FGF14: variants seen among roughly 807,000 people sequenced by gnomAD.
FGF14 encodes the protein fibroblast growth factor 14.
In FGF14, 5 loss-of-function variants were observed where a neutral mutation model predicts 25.5. That is an observed-to-expected ratio of 0.20 (90% CI 0.10 to 0.41). The LOEUF (loss-of-function observed/expected upper bound fraction) is 0.41, where lower values mean the gene tolerates loss of function less well. Among genes scored for constraint, FGF14 ranks in the 10% least tolerant of loss-of-function variants. The pLI is 1.00. For synonymous variants in FGF14, 138 were observed against 118.3 expected (o/e 1.17, Z -1.08); for missense variants, 222 against 320.1 (o/e 0.69, Z 2.34).
chr13:102,118,222 G>A (rs966569307), intron 1 of FGF14, among the ~76,000 whole-genome samples: 4 of 151,734 alleles, frequency 2.6e-5, no homozygotes, highest in South Asian at 4.2e-4. Flanking sequence ...TATTGTATAC[G>A]ATAAATAATT....
intron 1 of FGF14, among the ~76,000 whole-genome samples, chr13:101,989,421 T>G (rs1479087845): frequency 6.6e-6 from 1 of 152,112 alleles, no homozygotes; most frequent in Non-Finnish European, 1.5e-5. Flanking sequence ...TAAAGAAGAA[T>G]AATGTACATT....
At chr13:102,205,650 C>A (rs2049872378) in intron 1 of FGF14, among the ~76,000 whole-genome samples, 1 of 150,694 alleles carries the variant, frequency 6.6e-6, no homozygotes, top group African/African-American at 2.4e-5. Context: ...ATGGGAGATG[C>A]TAGACTGGAG....
chr13:101,958,946 T>C (rs938344157), intron 1 of FGF14, among the ~76,000 whole-genome samples: 2 of 152,240 alleles, frequency 1.3e-5, no homozygotes, highest in Admixed American at 1.3e-4. Flanking sequence ...ATAAGACTTA[T>C]TGAGATACAC....
chr13:102,299,423 C>T (rs2054907858), intron 1 of FGF14, among the ~76,000 whole-genome samples: 1 of 152,124 alleles, frequency 6.6e-6, no homozygotes, highest in Admixed American at 6.5e-5. Flanking sequence ...GCCATGTGCA[C>T]ATTTAAAGGT....
chr13:102,037,798 T>C (rs2041548093), intron 1 of FGF14, among the ~76,000 whole-genome samples: 1 of 152,166 alleles, frequency 6.6e-6, no homozygotes, highest in Non-Finnish European at 1.5e-5. Flanking sequence ...TAGTAATGGA[T>C]TCCTGTCCTC....
chr13:102,290,616 A>G (rs1314388354), intron 1 of FGF14, among the ~76,000 whole-genome samples: 2 of 152,106 alleles, frequency 1.3e-5, no homozygotes, highest in Non-Finnish European at 2.9e-5. Context: ...CAACTTTTCC[A>G]TTAAATTCTA....
chr13:102,336,842 C>A lies in FGF14; in HGVS notation c.208+64629G>T, dbSNP rs150867685. On this transcript the variant is annotated intron_variant, in intron 1 of 4. Coordinates refer to the FGF14 transcript ENST00000376131. ...ATGTACCTGTCCTCTATAAATAGAA[C>A]AATAAAGCCTGAATGACAGCAAAAC... Among the ~76,000 whole-genome samples, 111 of 152,284 alleles carry A rather than the reference C, an allele frequency of 7.3e-4. No homozygotes were observed. The East Asian group carries it at 0.018, about 25-fold the overall frequency.
intron 3 of FGF14, among the ~76,000 whole-genome samples, chr13:101,862,438 GA>G (rs2044473487): frequency 6.6e-6 from 1 of 151,646 alleles, no homozygotes; most frequent in Non-Finnish European, 1.5e-5. Flanking sequence ...AATGTCACTG[GA>G]ATCTGGATAG....
chr13:102,304,154 C>A (rs1404537437), intron 1 of FGF14, among the ~76,000 whole-genome samples: 1 of 152,048 alleles, frequency 6.6e-6, no homozygotes, highest in African/African-American at 2.4e-5. Flanking sequence ...ATTATTTTCT[C>A]TAATGATAAA....
At chr13:101,812,327 C>G (rs184241071) in intron 3 of FGF14, among the ~76,000 whole-genome samples, 4 of 152,026 alleles carry the variant, frequency 2.6e-5, no homozygotes, top group African/African-American at 9.6e-5. Context: ...GAATAGGGTA[C>G]AGAGGAAATG....
intron 1 of FGF14, among the ~76,000 whole-genome samples, chr13:102,006,996 G>A (rs1043832014): frequency 2.0e-5 from 3 of 151,330 alleles, no homozygotes; most frequent in South Asian, 2.1e-4. Context: ...CACCCGCCTC[G>A]GCCTCCCAAA....
intron 1 of FGF14, among the ~76,000 whole-genome samples, chr13:102,287,596 C>T (rs2054170322): frequency 6.6e-6 from 1 of 152,086 alleles, no homozygotes; most frequent in Admixed American, 6.6e-5. Flanking sequence ...GAGAAAATAC[C>T]TTAGTTGATC....
rs537280301 is a variant in FGF14, at chr13:102,020,169, T to C, written c.209-144873A>G. On this transcript the variant is annotated intron_variant, in intron 1 of 4. Coordinates refer to the FGF14 transcript ENST00000376131. ...GGAGGGAGTGTGGAGGAAATGGGCT[T>C]ATTTGAGGGAGGGACATGAGAGTGG... Among the ~76,000 whole-genome samples the C allele has an allele frequency of 3.0e-3, 455 of 152,008 alleles. 4 individuals carry two copies. Among genetic ancestry groups the C allele is most frequent in the African/African-American group, 0.01 (426 of 41,486 alleles).
intron 1 of FGF14, among the ~76,000 whole-genome samples, chr13:102,031,888 ATTTCT>A (rs1363744463): frequency 2.0e-5 from 3 of 152,204 alleles, no homozygotes; most frequent in East Asian, 3.9e-4. Flanking sequence ...TGGTGATGAG[ATTTCT>A]TTTCATTTGT....
chr13:102,131,636 A>T (rs1441087709), intron 1 of FGF14, among the ~76,000 whole-genome samples: 1 of 152,228 alleles, frequency 6.6e-6, no homozygotes, highest in Non-Finnish European at 1.5e-5. Flanking sequence ...GTCAAATACT[A>T]CAACTCAGAT....
At chr13:102,005,599 C>T (rs1355761394) in intron 1 of FGF14, among the ~76,000 whole-genome samples, 2 of 152,142 alleles carry the variant, frequency 1.3e-5, no homozygotes, top group Non-Finnish European at 2.9e-5. Context: ...GCTGAGAGTT[C>T]CAAAGTCATC....
chr13:102,234,033 A>T (rs2051206607), intron 1 of FGF14, among the ~76,000 whole-genome samples: 1 of 152,210 alleles, frequency 6.6e-6, no homozygotes, highest in South Asian at 2.1e-4. Flanking sequence ...GGTGGTTGCC[A>T]GGGACTGGGG....
intron 1 of FGF14, among the ~76,000 whole-genome samples, chr13:102,126,018 T>C (rs2045934603): frequency 6.6e-6 from 1 of 152,170 alleles, no homozygotes; most frequent in Non-Finnish European, 1.5e-5. Context: ...CCTGTGTCCA[T>C]GGTTACCAGC....
intron 1 of FGF14, among the ~76,000 whole-genome samples, chr13:102,019,314 C>T (rs934973186): frequency 4.6e-5 from 7 of 152,120 alleles, no homozygotes; most frequent in African/African-American, 1.2e-4. Context: ...TCATGATTCA[C>T]GAGGGTTCTG....
Sources: allele counts gnomAD v4.1 joint callset (sites outside exome capture counted in the v4.1 genomes callset), GRCh38; gene constraint gnomAD v4.1.1; transcripts MANE v1.5; gene names NCBI Gene and HGNC (gene_info 2026-07-23, HGNC 2026-07-21).